CTBP2: variants seen among roughly 807,000 people sequenced by gnomAD.
CTBP2 encodes the protein C-terminal-binding protein 2.
CTBP2 carries 30 observed loss-of-function variants against 80.3 expected under a neutral mutation model. That is an observed-to-expected ratio of 0.37 (90% confidence interval 0.28 to 0.51). The LOEUF (loss-of-function observed/expected upper bound fraction) is 0.51. Among genes scored for constraint, CTBP2 ranks in the 20% least tolerant of loss-of-function variants. The pLI, the probability that CTBP2 is intolerant of heterozygous loss-of-function variation, is 0.93. For synonymous variants in CTBP2, 594 were observed against 587.4 expected (o/e 1.01, Z -0.16); for missense variants, 1,212 against 1,375.3 (o/e 0.88, Z 1.88).
intron 2 of CTBP2, among the ~76,000 whole-genome samples, chr10:125,078,116 T>C (rs2135527103): frequency 6.6e-6 from 1 of 152,136 alleles, no homozygotes; most frequent in Non-Finnish European, 1.5e-5. Flanking sequence ...CCGTCTCTAC[T>C]AAAAATACAA....
rs200257259 is a variant in CTBP2 at position 124,984,767 on chromosome 10, C to T, written c.*4751G>A. ...ATTTTCCCTTTGTCTTCATATTCCTCCAAAAGCTAGGTAATGAGGAACAGC... is the reference window on the plus strand; with the variant it reads ...ATTTTCCCTTTGTCTTCATATTCCTTCAAAAGCTAGGTAATGAGGAACAGC... On this transcript the variant is annotated 3_prime_UTR_variant, in exon 9 of 9. Coordinates refer to ENST00000309035, the MANE Select transcript of CTBP2 (RefSeq NM_022802.3). 87 of 1,611,846 alleles carry T rather than the reference C, an allele frequency of 5.4e-5. No homozygotes were observed. Among genetic ancestry groups the T allele is most frequent in the Non-Finnish European group, 7.1e-5 (84 of 1,178,502 alleles).
intron 2 of CTBP2, among the ~76,000 whole-genome samples, chr10:125,107,757 A>G: frequency 6.6e-6 from 1 of 152,200 alleles, no homozygotes; most frequent in East Asian, 1.9e-4. Flanking sequence ...CCTGGTCGGC[A>G]GGCCAAGCTT....
At chr10:125,049,288 C>A (rs1472333505) in intron 2 of CTBP2, among the ~76,000 whole-genome samples, 1 of 152,218 alleles carries the variant, frequency 6.6e-6, no homozygotes, top group Admixed American at 6.5e-5. Context: ...ACAGGACACT[C>A]TTTCTTACCA....
rs1452593246 is a variant in CTBP2 at position 124,999,222 on chromosome 10, C to T, written c.1979-1052G>A. The T allele has an allele frequency of 2.0e-5, 3 of 152,288 alleles. No homozygotes were observed. The East Asian group carries it at 5.8e-4, about 29-fold the overall frequency. 9.4% of individuals were successfully genotyped at this position (152,288 alleles called of 1,614,324 possible). The stretch of plus-strand genomic sequence containing the variant: ...CTGAGGAGGGGTGTGGCTATCTGGG[C>T]ATCACGTCAGCCCAAGTGAAATGGT... On this transcript the variant is annotated intron_variant, in intron 3 of 8. Transcript: ENST00000309035.
chr10:125,028,130 T>G, upstream of CTBP2: 1 of 195,878 alleles, frequency 5.1e-6, no homozygotes, highest in African/African-American at 2.3e-5. Flanking sequence ...CCTAAAGCTT[T>G]GTTCCATGTG....
At chr10:125,064,182 C>A (rs559047075) in intron 2 of CTBP2, among the ~76,000 whole-genome samples, 2 of 152,242 alleles carry the variant, frequency 1.3e-5, no homozygotes, top group African/African-American at 4.8e-5. Flanking sequence ...ATAGTCTCCT[C>A]GGTTTTCACC....
chr10:125,040,988 G>T (rs527890470), intron 2 of CTBP2, among the ~76,000 whole-genome samples: 1 of 152,214 alleles, frequency 6.6e-6, no homozygotes, highest in Non-Finnish European at 1.5e-5. Flanking sequence ...TGACCATATC[G>T]GATCAGTCAG....
chr10:125,026,322 A>G lies in CTBP2; in HGVS notation c.1438T>C (p.Tyr480His). 4.3e-6 allele frequency: 7 copies of G among 1,613,836 alleles called. No individual in the cohort carries two copies. Among genetic ancestry groups the G allele is most frequent in the Non-Finnish European group, 5.9e-6 (7 of 1,179,942 alleles). Residue 480 changes from tyrosine to histidine, a missense_variant, in exon 1 of 9, where the codon TAC (tyrosine) becomes CAC (histidine). Tyr to His is a moderately conservative substitution (Grantham distance 83). Around this residue, in one of 3 missense-constraint regions of CTBP2, gnomAD observed 848 missense variants for 782.3 expected, o/e 1.08. Coordinates refer to ENST00000309035, the MANE Select transcript of CTBP2 (RefSeq NM_022802.3). ...ATGGGCACCGTGTATGCCGTGGAGT[A>G]GGCTGTTCTGGGGCCTGGGTGAAGG...
At chr10:125,160,442 C>G (rs1168854705) in exon 1 of CTBP2, 2 of 152,942 alleles carry the variant, frequency 1.3e-5, no homozygotes, top group Non-Finnish European at 2.9e-5. Context: ...TGCGGCCCCC[C>G]CTCAGCGCGG....
intron 1 of CTBP2, chr10:125,006,041 G>A (rs2134322796): frequency 7.3e-7 from 1 of 1,375,130 alleles, no homozygotes; most frequent in Non-Finnish European, 9.4e-7. Context: ...CATCATCAGT[G>A]CATGGATCCG....
intron 1 of CTBP2, among the ~76,000 whole-genome samples, chr10:125,124,538 CTA>C (rs1276308530): frequency 3.3e-5 from 5 of 152,174 alleles, no homozygotes; most frequent in African/African-American, 1.2e-4. Context: ...TTTAATAATA[CTA>C]TTTTTTGAAA....
rs1278712884 is a variant in CTBP2, at chr10:125,051,303, A to G, written c.-101-12148T>C. ...TCCTGCCATAGTCATCCAAGCCTGA[A>G]CATTTATGGTCTTGATGTCAATTAA... On this transcript the variant is annotated intron_variant, in intron 2 of 10. Transcript: ENST00000337195. 2.0e-5 allele frequency among the ~76,000 whole-genome samples: 3 copies of G among 152,204 alleles called. No homozygotes were observed. The East Asian group carries it at 5.8e-4, about 29-fold the overall frequency.
intron 2 of CTBP2, among the ~76,000 whole-genome samples, chr10:125,105,420 T>C (rs1851303806): frequency 1.3e-5 from 2 of 152,352 alleles, no homozygotes; most frequent in South Asian, 4.1e-4. Context: ...AATCATTACT[T>C]TAGAAAATGC....
chr10:125,147,156 G>C (rs977885724), intron 1 of CTBP2, among the ~76,000 whole-genome samples: 1 of 152,206 alleles, frequency 6.6e-6, no homozygotes, highest in African/African-American at 2.4e-5. Flanking sequence ...GGGAAGGGCA[G>C]ACACAGTTCC....
intron 2 of CTBP2, among the ~76,000 whole-genome samples, chr10:125,110,326 T>C (rs11815895): frequency 0.032 from 4,944 of 152,300 alleles, 260 homozygotes; most frequent in African/African-American, 0.11. Context: ...GATCCAGGTT[T>C]TGTGAAAAAT....
intron 1 of CTBP2, among the ~76,000 whole-genome samples, chr10:125,130,476 G>T (rs560042099): frequency 8.5e-5 from 13 of 152,162 alleles, no homozygotes; most frequent in African/African-American, 3.1e-4. Flanking sequence ...AATGCCACAC[G>T]ACTTGGACGC....
chr10:125,015,037 C>T (rs1012904262), intron 1 of CTBP2, among the ~76,000 whole-genome samples: 1 of 152,216 alleles, frequency 6.6e-6, no homozygotes, highest in African/African-American at 2.4e-5. Flanking sequence ...AGCTACCACA[C>T]ATCTGCTTCC....
chr10:125,128,437 G>A (rs921886945), intron 1 of CTBP2, among the ~76,000 whole-genome samples: 2 of 152,170 alleles, frequency 1.3e-5, no homozygotes, highest in Non-Finnish European at 2.9e-5. Context: ...AGGAATGAAG[G>A]AACAAGAATT....
chr10:125,005,945 C>A, intron 1 of CTBP2: 4 of 1,494,388 alleles, frequency 2.7e-6, no homozygotes, highest in Non-Finnish European at 3.5e-6. Context: ...CACAGGAAAA[C>A]CACGCTGGGC....
Sources: allele counts gnomAD v4.1 joint callset (sites outside exome capture counted in the v4.1 genomes callset), GRCh38; gene constraint gnomAD v4.1.1; regional missense constraint gnomAD v4.1.1; transcripts MANE v1.5; gene names NCBI Gene and HGNC (gene_info 2026-07-23, HGNC 2026-07-21).